The following ZNF652 variants were observed in gnomAD, a reference collection of about 807,000 sequenced individuals.
ZNF652 encodes zinc finger protein 652.
ZNF652 carries 16 observed loss-of-function variants against 45.2 expected under a neutral mutation model. That is an observed-to-expected ratio of 0.35 (90% CI 0.24 to 0.54). The LOEUF (loss-of-function observed/expected upper bound fraction) is 0.54. ZNF652 is among the 20% of genes least tolerant of loss of function. The probability of loss-of-function intolerance (pLI) is 0.91; values close to 1 mark genes in which losing one functional copy is unlikely to be tolerated. For missense variants in ZNF652, 614 were observed against 765.6 expected, an observed-to-expected ratio of 0.80 and a Z score of 2.34; for synonymous variants, 250 against 260.6, an observed-to-expected ratio of 0.96 and a Z score of 0.39.
Position 49,362,221 on chromosome 17 carries a change from GT to G in ZNF652, c.-572del, listed in dbSNP as rs2070408068. ...AGGGGGTGTGCGTGTGTGGATGTGT[GT>G]GCCGGAGGGGGCAGGGAGGGAGGCG... On this transcript the variant is annotated 5_prime_UTR_variant, in exon 1 of 6. Transcript: ENST00000430262. 1 of 150,744 alleles carries G rather than the reference GT, an allele frequency of 6.6e-6. No homozygotes were observed. The highest frequency in any genetic ancestry group is 1.5e-5 in the Non-Finnish European group (1 of 67,258). 9.3% of individuals were successfully genotyped at this position (150,744 alleles called of 1,614,324 possible).
intron 1 of ZNF652, among the ~76,000 whole-genome samples, chr17:49,327,916 A>G (rs1350307049): frequency 6.6e-6 from 1 of 151,266 alleles, no homozygotes; most frequent in Non-Finnish European, 1.5e-5. Flanking sequence ...TCACACCTGT[A>G]ATTTTTTAAA....
chr17:49,336,316 C>A (rs1029863090), intron 1 of ZNF652, among the ~76,000 whole-genome samples: 4 of 145,160 alleles, frequency 2.8e-5, no homozygotes, highest in African/African-American at 1.0e-4. Flanking sequence ...AGCTGCCATG[C>A]CCAGCCCTTT....
intron 1 of ZNF652, among the ~76,000 whole-genome samples, chr17:49,328,076 T>C (rs1279159491): frequency 6.6e-6 from 1 of 152,008 alleles, no homozygotes; most frequent in Admixed American, 6.6e-5. Context: ...ACAATGGAGA[T>C]AGTCGTAGTT....
At chr17:49,359,246 A>C (rs896662911) in intron 1 of ZNF652, among the ~76,000 whole-genome samples, 19 of 152,362 alleles carry the variant, frequency 1.2e-4, no homozygotes, top group African/African-American at 4.6e-4. Flanking sequence ...CAGGCATGAC[A>C]TGAGCAAAAA....
At chr17:49,319,359 G>A (rs952296203) in intron 1 of ZNF652, among the ~76,000 whole-genome samples, 1 of 151,768 alleles carries the variant, frequency 6.6e-6, no homozygotes, top group Non-Finnish European at 1.5e-5. Flanking sequence ...GTCGGGCCAG[G>A]CGCAGTGGCT....
chr17:49,352,789 A>G (rs2070295872), intron 1 of ZNF652, among the ~76,000 whole-genome samples: 4 of 152,188 alleles, frequency 2.6e-5, no homozygotes, highest in Admixed American at 2.6e-4. Flanking sequence ...AAGGAGTATT[A>G]CCTGGCAATA....
Position 49,311,385 on chromosome 17 carries a change from C to T in ZNF652, c.1236G>A (p.Gln412=). 6.2e-7 allele frequency: 1 copy of T among 1,614,128 alleles called. No homozygotes were observed. The stretch of plus-strand genomic sequence containing the variant: ...CCTTGCCACACCACTGGCACATGAA[C>T]TGTTTGTGCCCAATATGAATGCTCA... The part of the protein sequence containing the change: ...SHMSIHIGHK[Q]FMCQWCGKDF... The change falls in exon 5 of 6, where the codon CAG becomes CAA. Residue 412 remains glutamine (Q), a synonymous_variant. Transcript: ENST00000430262.
chr17:49,289,167 C>T (rs1434184918), downstream of ZNF652: 2 of 150,654 alleles, frequency 1.3e-5, no homozygotes, highest in African/African-American at 4.9e-5. Flanking sequence ...ATGTTGTCAC[C>T]TGAGGGTAAG....
At chr17:49,307,435 GAAAAAAAAAAAA>G (rs1175854049) in intron 5 of ZNF652, among the ~76,000 whole-genome samples, 1 of 40,482 alleles carries the variant, frequency 2.5e-5, no homozygotes, top group Non-Finnish European at 4.4e-5. Context: ...TGTCTCAAAA[GAAAAAAAAAAAA>G]AAAAAAAAAA....
At chr17:49,301,710 G>A (rs1356014669) in intron 5 of ZNF652, among the ~76,000 whole-genome samples, 2 of 151,804 alleles carry the variant, frequency 1.3e-5, no homozygotes, top group African/African-American at 4.8e-5. Flanking sequence ...CTTTTTAATC[G>A]ATTTCCTCTA....
At chr17:49,348,088 A>G (rs1273578401) in intron 1 of ZNF652, among the ~76,000 whole-genome samples, 1 of 152,130 alleles carries the variant, frequency 6.6e-6, no homozygotes, top group African/African-American at 2.4e-5. Flanking sequence ...ACACCAATCT[A>G]CAGGAAATAA....
chr17:49,325,681 G>T (rs866688335), intron 1 of ZNF652, among the ~76,000 whole-genome samples: 2 of 152,054 alleles, frequency 1.3e-5, no homozygotes, highest in African/African-American at 4.8e-5. Context: ...AAATTACCCA[G>T]GCATGGTGCT....
In ZNF652 at chr17:49,293,467, T is replaced by C. The variant is rs895344163; in HGVS notation, c.*4946A>G. Among the ~76,000 whole-genome samples, 1 of 152,152 alleles carries C rather than the reference T, an allele frequency of 6.6e-6. No individual in the cohort carries two copies. Among genetic ancestry groups the C allele is most frequent in the African/African-American group, 2.4e-5 (1 of 41,446 alleles). On this transcript the variant is annotated 3_prime_UTR_variant, in exon 6 of 6. Coordinates refer to ENST00000430262, the MANE Select transcript of ZNF652 (RefSeq NM_001145365.3). ...AGAACTATGAAAGTGGATATATTGA[T>C]GGCAACTTTTATGGCTTCCATAGAA...
chr17:49,328,131 C>T (rs560774960), intron 1 of ZNF652, among the ~76,000 whole-genome samples: 1 of 151,966 alleles, frequency 6.6e-6, no homozygotes, highest in South Asian at 2.1e-4. Flanking sequence ...AAATACTTAG[C>T]AATAGTAAGC....
intron 5 of ZNF652, 142 bp downstream of exon 5, chr17:49,311,170 T>C: frequency 1.2e-6 from 1 of 815,472 alleles, no homozygotes; most frequent in South Asian, 2.0e-5. Flanking sequence ...TAATCTATAT[T>C]TTTACATATT....
rs927031846 is a variant in ZNF652, at chr17:49,297,589, T to C, written c.*824A>G. The C allele has an allele frequency of 6.6e-6, 1 of 152,650 alleles. No homozygotes were observed. The highest frequency in any genetic ancestry group is 2.4e-5 in the African/African-American group (1 of 41,460). 9.5% of individuals were successfully genotyped at this position (152,650 alleles called of 1,614,324 possible). On this transcript the variant is annotated 3_prime_UTR_variant, in exon 6 of 6. Transcript: ENST00000430262. ...AAATCCTGAAAGCAAAACCTCATTT[T>C]TGCAGTAACCTGGTCTGGAGACCCT...
At chr17:49,356,429 CAAAAAAAAAAAA>C (rs35374808) in intron 1 of ZNF652, among the ~76,000 whole-genome samples, 4 of 42,348 alleles carry the variant, frequency 9.4e-5, no homozygotes, top group African/African-American at 4.2e-4. Context: ...ACTCTGTCTG[CAAAAAAAAAAAA>C]AAAAAAAAAA....
intron 1 of ZNF652, among the ~76,000 whole-genome samples, chr17:49,346,308 T>TG (rs1328742408): frequency 6.6e-5 from 10 of 152,368 alleles, no homozygotes; most frequent in Admixed American, 6.5e-4. Context: ...CCCAGCACTT[T>TG]GGGAGGCTGC....
chr17:49,288,295 G>C (rs576546481), downstream of ZNF652: 1 of 152,026 alleles, frequency 6.6e-6, no homozygotes, highest in South Asian at 2.1e-4. Context: ...AAGAAACTGT[G>C]TTAACATCTA....
Sources: allele counts gnomAD v4.1 joint callset (sites outside exome capture counted in the v4.1 genomes callset), GRCh38; gene constraint gnomAD v4.1.1; transcripts MANE v1.5; gene names NCBI Gene and HGNC (gene_info 2026-07-23, HGNC 2026-07-21).